The following SPATS2L variants were observed in gnomAD, a reference collection of about 807,000 sequenced individuals.
The protein encoded by SPATS2L is SPATS2-like protein.
A neutral mutation model predicts 59.6 loss-of-function variants in SPATS2L; 30 were observed. The ratio of observed to expected loss-of-function variants is 0.50; its 90% CI spans 0.38 to 0.68. The LOEUF (loss-of-function observed/expected upper bound fraction) is 0.68. SPATS2L is among the 30% of genes least tolerant of loss of function. SPATS2L has a pLI of 0.00. For missense variants in SPATS2L, 615 were observed against 700.0 expected (o/e 0.88, Z 1.37); for synonymous variants, 252 against 263.5 (o/e 0.96, Z 0.42).
chr2:200,477,731 C>T lies in SPATS2L; in HGVS notation c.1377C>T (p.Ala459=), dbSNP rs766512594. ...AGTCGCAGGGCAGTGGGAATGAAGC[C>T]GAGCCACTGGGAAAGGGCAACAGCC... ...PAKSQGSGNE[A]EPLGKGNSRH... is the part of the protein sequence containing the mutation. Residue 459 remains alanine (A), a synonymous_variant, in exon 13 of 13, where the codon GCC becomes GCT. Coordinates refer to ENST00000409140, the MANE Select transcript of SPATS2L (RefSeq NM_001100423.2). The T allele has an allele frequency of 2.3e-5, 36 of 1,564,530 alleles. No individual in the cohort carries two copies. Among genetic ancestry groups the T allele is most frequent in the Admixed American group, 2.3e-4 (12 of 52,202 alleles).
intron 2 of SPATS2L, among the ~76,000 whole-genome samples, chr2:200,372,477 C>T (rs1416317252): frequency 2.0e-5 from 3 of 152,072 alleles, no homozygotes; most frequent in Admixed American, 6.6e-5. Flanking sequence ...GGTTTGTCCT[C>T]ACTGGGAAGT....
At chr2:200,375,158 C>T (rs917988929) in intron 2 of SPATS2L, among the ~76,000 whole-genome samples, 1 of 152,048 alleles carries the variant, frequency 6.6e-6, no homozygotes, top group Non-Finnish European at 1.5e-5. Context: ...ATGAAGCGTC[C>T]GTAAAGTGCA....
intron 8 of SPATS2L, among the ~76,000 whole-genome samples, chr2:200,451,121 C>G (rs1022235117): frequency 6.6e-6 from 1 of 152,020 alleles, no homozygotes; most frequent in African/African-American, 2.4e-5. Context: ...GAGTTCAAGA[C>G]CAACCTGGAC....
chr2:200,356,442 T>C (rs1463772740), intron 2 of SPATS2L, among the ~76,000 whole-genome samples: 3 of 152,062 alleles, frequency 2.0e-5, no homozygotes, highest in South Asian at 4.2e-4. Flanking sequence ...AAAAAATGGT[T>C]CCAAGAAAAA....
chr2:200,364,270 TAC>T (rs2081197961), intron 2 of SPATS2L, among the ~76,000 whole-genome samples: 1 of 152,204 alleles, frequency 6.6e-6, no homozygotes, highest in Non-Finnish European at 1.5e-5. Flanking sequence ...GCTAATGTGT[TAC>T]AGCAGCACTA....
rs77252503 is a variant in SPATS2L at position 200,478,679 on chromosome 2, AATAT to A, written c.*655_*658del. The stretch of plus-strand genomic sequence containing the variant: ...GTTGAGACAAGTACTCTTTCAGGAA[AATAT>A]ATATATGCCCTTTCAATTAGATTAC... On this transcript the variant is annotated 3_prime_UTR_variant, in exon 13 of 13. Transcript: ENST00000409140. 0.058 allele frequency: 8,776 copies of A among 152,566 alleles called. 411 individuals are homozygous for A. The highest frequency in any genetic ancestry group is 0.077 in the Admixed American group (1,179 of 15,288). 9.5% of individuals were successfully genotyped at this position (152,566 alleles called of 1,614,324 possible).
In SPATS2L at chr2:200,361,073, CA is replaced by C. The variant is rs1409839393; in HGVS notation, c.-22-28149del. Among the ~76,000 whole-genome samples the C allele has an allele frequency of 8.6e-3, 967 of 113,056 alleles. 29 individuals carry two copies. The highest frequency in any genetic ancestry group is 0.012 in the Middle Eastern group (3 of 248). The allele number at this position is 113,056 out of a possible 152,430, so 74.2% of individuals were successfully genotyped here. ...TTTCTAGCTCCACCCCACTATTCCCCACCCCACCCCCCCACACACACACATC... is the reference window on the plus strand; with the variant it reads ...TTTCTAGCTCCACCCCACTATTCCCCCCCCACCCCCCCACACACACACATC... On this transcript the variant is annotated intron_variant, in intron 2 of 12. Coordinates refer to ENST00000409140, the MANE Select transcript of SPATS2L (RefSeq NM_001100423.2).
chr2:200,341,965 G>A (rs752358853), intron 2 of SPATS2L, among the ~76,000 whole-genome samples: 3 of 152,154 alleles, frequency 2.0e-5, no homozygotes, highest in Non-Finnish European at 4.4e-5. Context: ...TGGGATTACA[G>A]GCGTGAGCCA....
At chr2:200,389,459 G>A in intron 3 of SPATS2L, 176 bp downstream of exon 3, 1 of 518,268 alleles carries the variant, frequency 1.9e-6, no homozygotes. Context: ...TTTACTGAAA[G>A]CATGTTAAGC....
At position 200,472,855 on chromosome 2, in the gene SPATS2L, T is replaced by A; in HGVS notation, c.1084T>A (p.Ser362Thr). 1 of 1,613,966 alleles carries A rather than the reference T, an allele frequency of 6.2e-7. No individual in the cohort carries two copies. Among genetic ancestry groups the A allele is most frequent in the Non-Finnish European group, 8.5e-7 (1 of 1,179,864 alleles). Residue 362 changes from serine (S) to threonine (T), a missense_variant, in exon 12 of 13, where the codon TCC becomes ACC. Transcript: ENST00000409140. ...GEITHPKNNY[S>T]SRTPCSSLLP... ...AGTTACACATCCAAAGAACAACTATTCCTCAAGAACTCCCTGCAGCTCCCT... is the reference window on the plus strand; with the variant it reads ...AGTTACACATCCAAAGAACAACTATACCTCAAGAACTCCCTGCAGCTCCCT...
In SPATS2L at chr2:200,477,674, G is replaced by T; in HGVS notation, c.1320G>T (p.Gln440His). The change falls in exon 13 of 13, where the codon CAG (glutamine) becomes CAT (histidine). Residue 440 changes from glutamine to histidine, a missense_variant. Physicochemically the swap from Gln to His is conservative, Grantham distance 24 (BLOSUM62 0). Coordinates refer to ENST00000409140, the MANE Select transcript of SPATS2L (RefSeq NM_001100423.2). ...SSNQRRRFNP[Q>H]YHNNRLNGPA... is the part of the protein sequence containing the mutation. ...ACCAAAGACGGAGATTTAATCCACA[G>T]TATCATAACAACAGGCTAAATGGGC... 6.4e-7 allele frequency: 1 copy of T among 1,564,790 alleles called. No individual in the cohort carries two copies. Among genetic ancestry groups the T allele is most frequent in the Non-Finnish European group, 8.7e-7 (1 of 1,154,280 alleles).
At chr2:200,473,082 G>GTA in intron 12 of SPATS2L, 30 bp downstream of exon 12, 9 of 1,421,142 alleles carry the variant, frequency 6.3e-6, no homozygotes, top group South Asian at 1.4e-5. Flanking sequence ...GGGTGCCAGA[G>GTA]GAAAAAAAAA....
At chr2:200,470,501 TC>T (rs1483932602) in intron 11 of SPATS2L, among the ~76,000 whole-genome samples, 1 of 152,208 alleles carries the variant, frequency 6.6e-6, no homozygotes, top group Non-Finnish European at 1.5e-5. Context: ...AAGACTTCAC[TC>T]AGCCATTAGC....
rs1225999872 is a variant in SPATS2L at position 200,306,931 on chromosome 2, A to G, written c.-73+9A>G. On this transcript the variant is annotated intron_variant, in intron 1 of 12. Transcript: ENST00000409140. ...CGGCGCTCGACACAGAGGTAAGCCC[A>G]GGACCCCCTCCACGCCGGGCCGGCT... 1 of 982,026 alleles carries G rather than the reference A, an allele frequency of 1.0e-6. No homozygotes were observed. Among genetic ancestry groups the G allele is most frequent in the Non-Finnish European group, 1.2e-6 (1 of 828,710 alleles). The allele number at this position is 982,026 out of a possible 1,614,324, so 60.8% of individuals were successfully genotyped here.
At chr2:200,421,102 A>T (rs1339123120) in intron 6 of SPATS2L, among the ~76,000 whole-genome samples, 1 of 152,176 alleles carries the variant, frequency 6.6e-6, no homozygotes, top group Non-Finnish European at 1.5e-5. Context: ...GCCACAGTAG[A>T]TTCAGAGAAG....
intron 2 of SPATS2L, among the ~76,000 whole-genome samples, chr2:200,361,525 G>T (rs1550293): frequency 2.6e-5 from 4 of 152,208 alleles, no homozygotes; most frequent in Middle Eastern, 3.4e-3. Context: ...TTAACTGCAC[G>T]CTAAGAGAAT....
chr2:200,416,799 T>C (rs1370557), intron 5 of SPATS2L, among the ~76,000 whole-genome samples: 79,914 of 151,984 alleles, frequency 0.53, 21,507 homozygotes, highest in Non-Finnish European at 0.59. Context: ...ACTTGAAAAC[T>C]TCTAAATATA....
chr2:200,426,963 A>G (rs1435393210), intron 6 of SPATS2L, among the ~76,000 whole-genome samples: 1 of 152,162 alleles, frequency 6.6e-6, no homozygotes, highest in Admixed American at 6.6e-5. Flanking sequence ...AGGAGGGCAC[A>G]GGAAACATAA....
chr2:200,420,250 A>C (rs1223789506), intron 6 of SPATS2L, among the ~76,000 whole-genome samples: 1 of 150,362 alleles, frequency 6.7e-6, no homozygotes, highest in African/African-American at 2.5e-5. Flanking sequence ...AGTGCTTCTC[A>C]ATACTATCTG....
Sources: allele counts gnomAD v4.1 joint callset (sites outside exome capture counted in the v4.1 genomes callset), GRCh38; gene constraint gnomAD v4.1.1; transcripts MANE v1.5; gene names NCBI Gene and HGNC (gene_info 2026-07-23, HGNC 2026-07-21).